The following ECE1 variants were observed in gnomAD, a reference collection of about 807,000 sequenced individuals.
ECE1 encodes the protein endothelin converting enzyme 1.
ECE1 carries 35 observed loss-of-function variants against 98.6 expected under a neutral mutation model. The ratio of observed to expected loss-of-function variants is 0.35; its 90% CI spans 0.27 to 0.47. ECE1 has a LOEUF of 0.47. Among genes scored for constraint, ECE1 ranks in the 20% least tolerant of loss-of-function variants. The probability of loss-of-function intolerance (pLI) is 1.00; values close to 1 mark genes in which losing one functional copy is unlikely to be tolerated. For missense variants in ECE1, 814 were observed against 1,025.3 expected, an observed-to-expected ratio of 0.79 and a Z score of 2.81; for synonymous variants, 394 against 407.1, an observed-to-expected ratio of 0.97 and a Z score of 0.39.
At chr1:21,275,884 T>C (rs1192307929) in intron 3 of ECE1, among the ~76,000 whole-genome samples, 1 of 152,162 alleles carries the variant, frequency 6.6e-6, no homozygotes, top group Non-Finnish European at 1.5e-5. Flanking sequence ...GTGCCTGCTC[T>C]GCTACTGTGC....
intron 4 of ECE1, among the ~76,000 whole-genome samples, chr1:21,270,326 C>T (rs189153687): frequency 7.0e-4 from 107 of 152,326 alleles, no homozygotes; most frequent in Non-Finnish European, 1.8e-4. Flanking sequence ...CAGCGCACGG[C>T]GGACATCCGT....
At chr1:21,241,769 T>C (rs1417505976) in intron 10 of ECE1, among the ~76,000 whole-genome samples, 1 of 152,136 alleles carries the variant, frequency 6.6e-6, no homozygotes, top group South Asian at 2.1e-4. Flanking sequence ...AATGTCTTCC[T>C]TCAAAGAGGC....
intron 1 of ECE1, among the ~76,000 whole-genome samples, chr1:21,334,353 C>A (rs1027180906): frequency 6.6e-6 from 1 of 152,232 alleles, no homozygotes; most frequent in East Asian, 1.9e-4. Context: ...TAACCACCCA[C>A]TGAACACTCA....
chr1:21,267,521 GC>G (rs1339627938), intron 4 of ECE1, among the ~76,000 whole-genome samples: 2 of 152,178 alleles, frequency 1.3e-5, no homozygotes, highest in East Asian at 3.9e-4. Context: ...GGAAAGAGCC[GC>G]CCCCGTGATT....
In ECE1 at chr1:21,225,770, C is replaced by A. The variant is rs1171392031; in HGVS notation, c.1850-330G>T. On this transcript the variant is annotated intron_variant, in intron 16 of 18. Coordinates refer to ENST00000374893, the MANE Select transcript of ECE1 (RefSeq NM_001397.3). The surrounding 1 kb of genome is among the most constrained non-coding windows in gnomAD (Gnocchi z 5.3). ...GCAGTGGCGCAATCTCAGCTCACTG[C>A]AACCTTTGCCTCCTGGGTTCAAGGA... is the stretch of plus-strand genomic sequence containing the variant. 6.6e-6 allele frequency among the ~76,000 whole-genome samples: 1 copy of A among 151,020 alleles called. No individual in the cohort carries two copies. The highest frequency in any genetic ancestry group is 1.5e-5 in the Non-Finnish European group (1 of 67,820).
intron 3 of ECE1, among the ~76,000 whole-genome samples, chr1:21,274,866 C>T (rs2098244679): frequency 6.6e-6 from 1 of 152,112 alleles, no homozygotes; most frequent in African/African-American, 2.4e-5. Flanking sequence ...CACATGAAAA[C>T]AGAGAAAGGA....
At chr1:21,294,795 A>G (rs530353172), upstream of ECE1, among the ~76,000 whole-genome samples, 22 of 152,212 alleles carry the variant, frequency 1.4e-4, no homozygotes, top group South Asian at 4.6e-3. This position sits in a 1 kb window ranked among gnomAD's most constrained non-coding sequence, Gnocchi z 4.2. Flanking sequence ...TGGAAAAGGG[A>G]AGCCCCACAT....
At chr1:21,323,475 T>G (rs11577363) in intron 1 of ECE1, among the ~76,000 whole-genome samples, 7,494 of 152,106 alleles carry the variant, frequency 0.049, 636 homozygotes, top group African/African-American at 0.17. Flanking sequence ...ATCCTTGCCT[T>G]TGGGCCAAGT....
At chr1:21,312,159 C>G (rs1444328613) in intron 1 of ECE1, among the ~76,000 whole-genome samples, 1 of 146,558 alleles carries the variant, frequency 6.8e-6, no homozygotes, top group Admixed American at 6.9e-5. Flanking sequence ...TTTAATTAGT[C>G]TGGTGTGGTG....
intron 1 of ECE1, among the ~76,000 whole-genome samples, chr1:21,341,717 G>A (rs1639403147): frequency 6.6e-6 from 1 of 152,232 alleles, no homozygotes; most frequent in African/African-American, 2.4e-5. Context: ...ACTGTGCTCT[G>A]GGAGCCCCAT....
chr1:21,311,355 C>T (rs929370513), intron 1 of ECE1, among the ~76,000 whole-genome samples: 13 of 152,014 alleles, frequency 8.6e-5, no homozygotes, highest in African/African-American at 2.7e-4. Flanking sequence ...CCACCAACAG[C>T]GCAGGCTTCC....
Position 21,345,475 on chromosome 1 carries a change from G to A in ECE1, c.-97C>T, listed in dbSNP as rs1639481331. 3.5e-6 allele frequency: 4 copies of A among 1,142,994 alleles called. No individual in the cohort carries two copies. Among genetic ancestry groups the A allele is most frequent in the Non-Finnish European group, 4.4e-6 (4 of 906,196 alleles). 70.8% of individuals were successfully genotyped at this position (1,142,994 alleles called of 1,614,324 possible). Reference sequence around the variant, plus strand: ...TGCTCCCAGCCCAGCTGCTCGGACGGCTCGGCTGCCTGGCCCAGGCGGCGC... The same window carrying A: ...TGCTCCCAGCCCAGCTGCTCGGACGACTCGGCTGCCTGGCCCAGGCGGCGC... On this transcript the variant is annotated 5_prime_UTR_variant, in exon 1 of 19. Transcript: ENST00000415912. This position sits in a 1 kb window ranked among gnomAD's most constrained non-coding sequence, Gnocchi z 5.1.
rs373915093 is a variant in ECE1, at chr1:21,238,197, G to A, written c.1326C>T (p.Asn442=). 33 of 1,614,260 alleles carry A rather than the reference G, an allele frequency of 2.0e-5. No homozygotes were observed. The African/African-American group carries it at 3.5e-4, about 17-fold the overall frequency. The change falls in exon 11 of 19, where the codon AAC becomes AAT. Residue 442 remains asparagine, a synonymous_variant. Transcript: ENST00000374893. ...ACATGGGGCCCAACGCAAAGCCCAG[G>A]TTGTTTTCTGTGTCACTCACGCAAA... is the stretch of plus-strand genomic sequence containing the variant. ...WKFCVSDTEN[N]LGFALGPMFV...
chr1:21,302,144 C>T (rs1638499529), intron 1 of ECE1, among the ~76,000 whole-genome samples: 1 of 152,216 alleles, frequency 6.6e-6, no homozygotes, highest in Admixed American at 6.5e-5. Flanking sequence ...AGGTCTTAGT[C>T]AGAAACCAAC....
At chr1:21,257,787 C>A (rs1017574408) in intron 6 of ECE1, among the ~76,000 whole-genome samples, 197 bp from the exon 7 acceptor site, 2 of 136,096 alleles carry the variant, frequency 1.5e-5, no homozygotes, top group South Asian at 2.2e-4. Flanking sequence ...TCCACGTGGC[C>A]CCCCCCCGCA....
intron 3 of ECE1, among the ~76,000 whole-genome samples, chr1:21,278,441 C>T (rs909661132): frequency 1.2e-4 from 19 of 152,344 alleles, no homozygotes; most frequent in African/African-American, 4.6e-4. Context: ...TCTGGAAGGG[C>T]AGCTCTCCTG....
Position 21,227,168 on chromosome 1 carries a change from C to T in ECE1, c.1840G>A (p.Asp614Asn). ...CAGCTGGAATTCGTACCTTGATCATCAAAAGCATGAGTCAGCTCATGGCCC... is the reference window on the plus strand; with the variant it reads ...CAGCTGGAATTCGTACCTTGATCATTAAAAGCATGAGTCAGCTCATGGCCC... ...VVGHELTHAF[D>N]DQGREYDKDG... The change falls in exon 16 of 19, where the codon GAT (aspartate) becomes AAT (asparagine). Residue 614 changes from aspartate to asparagine, a missense_variant. Around this residue, in one of 3 missense-constraint regions of ECE1, gnomAD observed 452 missense variants for 567.3 expected, o/e 0.80. Coordinates refer to ENST00000374893, the MANE Select transcript of ECE1 (RefSeq NM_001397.3). The T allele has an allele frequency of 6.2e-7, 1 of 1,614,106 alleles. No homozygotes were observed. The highest frequency in any genetic ancestry group is 8.5e-7 in the Non-Finnish European group (1 of 1,179,992).
chr1:21,289,814 G>A (rs995828956), intron 2 of ECE1, among the ~76,000 whole-genome samples: 9 of 152,246 alleles, frequency 5.9e-5, no homozygotes, highest in African/African-American at 2.2e-4. Context: ...TGCCACCTGG[G>A]CTGTGGCCCC....
intron 14 of ECE1, among the ~76,000 whole-genome samples, chr1:21,231,907 C>A (rs2098182210): frequency 1.3e-5 from 2 of 152,230 alleles, no homozygotes; most frequent in African/African-American, 4.8e-5. Context: ...GGCCGCTGTA[C>A]CTGGCCATAT....
Sources: allele counts gnomAD v4.1 joint callset (sites outside exome capture counted in the v4.1 genomes callset), GRCh38; gene constraint gnomAD v4.1.1; regional missense constraint gnomAD v4.1.1; non-coding constraint Gnocchi (gnomAD v3.1); transcripts MANE v1.5; gene names NCBI Gene and HGNC (gene_info 2026-07-23, HGNC 2026-07-21).